NEIL3: variants seen among roughly 807,000 people sequenced by gnomAD.
NEIL3 encodes endonuclease 8-like 3.
NEIL3 carries 48 observed loss-of-function variants against 57.5 expected under a neutral mutation model. The observed-to-expected ratio is 0.83, with a 90% CI of 0.66 to 1.06. NEIL3 has a LOEUF of 1.06. Among genes scored for constraint, NEIL3 ranks in the 50% least tolerant of loss-of-function variants. NEIL3 has a pLI of 0.00. For missense variants in NEIL3, 717 were observed against 739.1 expected, an observed-to-expected ratio of 0.97 and a Z score of 0.35; for synonymous variants, 261 against 253.2, an observed-to-expected ratio of 1.03 and a Z score of -0.29.
chr4:177,353,549 T>C lies in NEIL3; in HGVS notation c.1281T>C (p.Asn427=). 1.2e-6 allele frequency: 2 copies of C among 1,613,356 alleles called. No individual in the cohort carries two copies. Among genetic ancestry groups the C allele is most frequent in the South Asian group, 2.2e-5 (2 of 91,058 alleles). ...QNSPPASVCL[N]DIQHPSKKTT... ...CTCCTCCTGCTAGTGTTTGTTTGAA[T>C]GATATACAGCACCCCTCCAAGAAGA... The change falls in exon 8 of 10, where the codon AAT becomes AAC. Residue 427 remains asparagine, a synonymous_variant. Transcript: ENST00000264596.
At chr4:177,320,475 T>TGC (rs1734659354) in intron 1 of NEIL3, among the ~76,000 whole-genome samples, 1 of 83,644 alleles carries the variant, frequency 1.2e-5, no homozygotes, top group Non-Finnish European at 2.9e-5. Flanking sequence ...TCTTTTTTTT[T>TGC]TTTTTTTTTT....
intron 4 of NEIL3, among the ~76,000 whole-genome samples, chr4:177,339,109 A>G (rs1054165943): frequency 2.6e-5 from 4 of 152,140 alleles, no homozygotes; most frequent in African/African-American, 7.2e-5. Flanking sequence ...ACAACACAGG[A>G]ATTGGGGTGC....
rs1265004705 is a variant in NEIL3 at position 177,337,067 on chromosome 4, A to G, written c.627+746A>G. 2.0e-5 allele frequency among the ~76,000 whole-genome samples: 3 copies of G among 152,122 alleles called. No individual in the cohort carries two copies. In the East Asian group the frequency reaches 5.8e-4, roughly 29 times the overall value. The stretch of plus-strand genomic sequence containing the variant: ...ATTTTTTTTCTTGTTCTACAACTGC[A>G]GAGACTTGAACTTATTTATATGTTG... On this transcript the variant is annotated intron_variant, in intron 4 of 9. Transcript: ENST00000264596.
chr4:177,320,466 CTTTTT>C (rs34353849), intron 1 of NEIL3, among the ~76,000 whole-genome samples: 31 of 77,450 alleles, frequency 4.0e-4, no homozygotes, highest in African/African-American at 1.1e-3. Context: ...TGACTGCTGT[CTTTTT>C]TTTTTTTTTT....
rs567733440 is a variant in NEIL3 at position 177,320,713 on chromosome 4, C to T, written c.157-1746C>T. On this transcript the variant is annotated intron_variant, in intron 1 of 9. Transcript: ENST00000264596. Reference sequence around the variant, plus strand: ...CGATCTCCTGACCTCGTGATCCGCCCGCCTCGACCTCCCAAAGTGCTGAGA... The same window carrying T: ...CGATCTCCTGACCTCGTGATCCGCCTGCCTCGACCTCCCAAAGTGCTGAGA... 4.1e-3 allele frequency among the ~76,000 whole-genome samples: 619 copies of T among 151,702 alleles called. 2 individuals are homozygous for T. The highest frequency in any genetic ancestry group is 5.3e-3 in the Non-Finnish European group (357 of 67,882).
chr4:177,351,422 C>G lies in NEIL3; in HGVS notation c.912C>G (p.Ser304Arg), dbSNP rs745367783. 1.2e-6 allele frequency: 2 copies of G among 1,613,550 alleles called. No homozygotes were observed. Among genetic ancestry groups the G allele is most frequent in the African/African-American group, 1.3e-5 (1 of 74,872 alleles). ...TRNTIISWTS[S>R]RVDHVMDSVA... Reference sequence around the variant, plus strand: ...ATACTATAATCAGTTGGACATCTAGCAGGGTGGATCATGTTATGGACTCCG... The same window carrying G: ...ATACTATAATCAGTTGGACATCTAGGAGGGTGGATCATGTTATGGACTCCG... Residue 304 changes from serine (S) to arginine (R), a missense_variant, in exon 7 of 10, where the codon AGC (serine) becomes AGG (arginine). Physicochemically the swap from Ser to Arg is moderately radical, Grantham distance 110. Transcript: ENST00000264596.
At chr4:177,328,129 T>C (rs1477528103) in intron 2 of NEIL3, among the ~76,000 whole-genome samples, 1 of 152,172 alleles carries the variant, frequency 6.6e-6, no homozygotes, top group African/African-American at 2.4e-5. Flanking sequence ...TCAACTGGTC[T>C]GATGTATTTG....
At chr4:177,316,640 TG>T (rs1234648671) in intron 1 of NEIL3, among the ~76,000 whole-genome samples, 5 of 152,024 alleles carry the variant, frequency 3.3e-5, no homozygotes, top group Non-Finnish European at 7.4e-5. Flanking sequence ...AAGCCACACT[TG>T]GTTTTCAGAG....
intron 8 of NEIL3, among the ~76,000 whole-genome samples, chr4:177,356,831 A>G (rs751615422): frequency 3.3e-5 from 5 of 152,222 alleles, no homozygotes; most frequent in Non-Finnish European, 5.9e-5. Flanking sequence ...TAATTACTAG[A>G]AACAGTTTAA....
At chr4:177,366,083 T>TG (rs1255840583), downstream of NEIL3, among the ~76,000 whole-genome samples, 6 of 152,300 alleles carry the variant, frequency 3.9e-5, no homozygotes, top group East Asian at 1.2e-3. Context: ...TAAAGCCAGG[T>TG]GGAAATCCAA....
chr4:177,333,155 A>C (rs563360773), intron 2 of NEIL3, among the ~76,000 whole-genome samples: 1 of 152,008 alleles, frequency 6.6e-6, no homozygotes, highest in Non-Finnish European at 1.5e-5. Context: ...ACTTCTGACC[A>C]CTTGAAAATT....
chr4:177,364,058 C>G (rs377012599), downstream of NEIL3, among the ~76,000 whole-genome samples: 206 of 152,300 alleles, frequency 1.4e-3, 10 homozygotes, highest in South Asian at 0.041. Context: ...AAGAAACTTT[C>G]ATCTGAGAGT....
intron 8 of NEIL3, among the ~76,000 whole-genome samples, chr4:177,355,154 C>G (rs1735446779): frequency 6.6e-6 from 1 of 152,128 alleles, no homozygotes. Context: ...TTTTTTCCTT[C>G]AGAAAGCAGC....
intron 6 of NEIL3, among the ~76,000 whole-genome samples, chr4:177,344,946 C>A (rs900254382): frequency 7.2e-5 from 11 of 152,146 alleles, no homozygotes; most frequent in Admixed American, 3.3e-4. Context: ...AGGAGGTAGT[C>A]TTTACCTTTC....
intron 1 of NEIL3, among the ~76,000 whole-genome samples, chr4:177,319,087 G>T (rs911829740): frequency 1.3e-5 from 2 of 152,180 alleles, no homozygotes; most frequent in Non-Finnish European, 2.9e-5. Context: ...ACTAAATGGT[G>T]TAAGTTCTTG....
At position 177,310,121 on chromosome 4, in the gene NEIL3, C is replaced by T. The variant is rs1437211880; in HGVS notation, c.156+12C>T. On this transcript the variant is annotated intron_variant, in intron 1 of 9. Transcript: ENST00000264596. ...TGGTCTCCCCGCAGGTGAGCTACTCCTGTAACAGGCCATGCAGTCAGCAGG... is the reference window on the plus strand; with the variant it reads ...TGGTCTCCCCGCAGGTGAGCTACTCTTGTAACAGGCCATGCAGTCAGCAGG... The T allele has an allele frequency of 6.4e-7, 1 of 1,553,184 alleles. No homozygotes were observed. Among genetic ancestry groups the T allele is most frequent in the Non-Finnish European group, 8.6e-7 (1 of 1,156,162 alleles).
At chr4:177,329,924 C>A (rs1036942973) in intron 2 of NEIL3, among the ~76,000 whole-genome samples, 1 of 143,412 alleles carries the variant, frequency 7.0e-6, no homozygotes, top group African/African-American at 2.6e-5. Context: ...TTTTTTTTTT[C>A]TTTTTCAAAT....
intron 1 of NEIL3, among the ~76,000 whole-genome samples, chr4:177,311,428 C>A (rs1734473538): frequency 1.3e-5 from 2 of 151,936 alleles, no homozygotes; most frequent in Non-Finnish European, 1.5e-5. Flanking sequence ...GTAATCCCAG[C>A]ACTTTGGGAT....
intron 8 of NEIL3, chr4:177,354,002 G>A: frequency 3.1e-6 from 1 of 318,108 alleles, no homozygotes; most frequent in Non-Finnish European, 5.8e-6. Context: ...CTGATCTCAA[G>A]TTATCTGCCC....
Sources: allele counts gnomAD v4.1 joint callset (sites outside exome capture counted in the v4.1 genomes callset), GRCh38; gene constraint gnomAD v4.1.1; transcripts MANE v1.5; gene names NCBI Gene and HGNC (gene_info 2026-07-23, HGNC 2026-07-21).